The following CPLANE1 variants were observed in gnomAD, a reference collection of about 807,000 sequenced individuals.
CPLANE1 encodes the protein ciliogenesis and planar polarity effector complex subunit 1, also known as ciliogenesis and planar polarity effector 1.
Under a neutral mutation model 362.5 loss-of-function variants are expected in CPLANE1, and 263 were observed. The observed-to-expected ratio is 0.73, with a 90% CI of 0.66 to 0.80. CPLANE1 has a LOEUF of 0.80. Ranked by LOEUF, CPLANE1 falls within the 30% of genes least tolerant of loss-of-function variation. The pLI is 0.00. For missense variants in CPLANE1, 3,461 were observed against 3,793.4 expected, an observed-to-expected ratio of 0.91 and a Z score of 2.30; for synonymous variants, 1,212 against 1,302.6, an observed-to-expected ratio of 0.93 and a Z score of 1.50.
At chr5:37,239,641 A>G (rs1799886636) in intron 7 of CPLANE1, 72 bp downstream of exon 7, 1 of 1,183,272 alleles carries the variant, frequency 8.5e-7, no homozygotes, top group Non-Finnish European at 1.1e-6. Context: ...AGTATTTAGA[A>G]AAAGAAAAAT....
intron 46 of CPLANE1, among the ~76,000 whole-genome samples, chr5:37,131,527 T>C (rs558650511): frequency 2.8e-4 from 43 of 151,742 alleles, no homozygotes; most frequent in African/African-American, 1.0e-3. Flanking sequence ...TTTTTTTTAG[T>C]AAAAAAAAAT....
intron 51 of CPLANE1, among the ~76,000 whole-genome samples, chr5:37,114,348 A>T (rs1156402345): frequency 6.6e-6 from 1 of 152,296 alleles, no homozygotes; most frequent in Admixed American, 6.5e-5. Flanking sequence ...TTCTCATAGT[A>T]AGACATGGAT....
chr5:37,124,549 G>T (rs1420429587), intron 47 of CPLANE1, among the ~76,000 whole-genome samples: 2 of 151,958 alleles, frequency 1.3e-5, no homozygotes, highest in African/African-American at 4.8e-5. Context: ...TTTTTTATTT[G>T]TTAGCTTTTG....
chr5:37,224,366 T>G, intron 13 of CPLANE1, 33 bp from the exon 14 acceptor site: 1 of 1,415,990 alleles, frequency 7.1e-7, no homozygotes. Flanking sequence ...TTAGTCATAG[T>G]TAATTATATT....
At chr5:37,185,648 G>C (rs1489254372) in intron 24 of CPLANE1, among the ~76,000 whole-genome samples, 1 of 151,956 alleles carries the variant, frequency 6.6e-6, no homozygotes, top group Admixed American at 6.6e-5. Flanking sequence ...TATATTAATA[G>C]AATAATACAA....
At position 37,218,406 on chromosome 5, in the gene CPLANE1, T is replaced by TA. The variant is rs1794628386; in HGVS notation, c.2746+2917_2746+2918insT. On this transcript the variant is annotated intron_variant, in intron 15 of 52. Coordinates refer to ENST00000651892, the MANE Select transcript of CPLANE1 (RefSeq NM_001384732.1). ...GTCACTGAGGAAACTAGGGACATCCTGTGTGACTCTACTGGGAGAGGATTC... is the reference window on the plus strand; with the variant it reads ...GTCACTGAGGAAACTAGGGACATCCTAGTGTGACTCTACTGGGAGAGGATTC... Among the ~76,000 whole-genome samples the TA allele has an allele frequency of 2.0e-5, 3 of 152,334 alleles. No homozygotes were observed. The South Asian group carries it at 6.2e-4, about 32-fold the overall frequency.
In CPLANE1 at chr5:37,169,436, G is replaced by A; in HGVS notation, c.6588C>T (p.His2196=). 6.2e-7 allele frequency: 1 copy of A among 1,614,198 alleles called. No individual in the cohort carries two copies. The highest frequency in any genetic ancestry group is 8.5e-7 in the Non-Finnish European group (1 of 1,180,034). ...CAGAAGGTGTGGACAAAAGGTAGAG[G>A]TGAGTATTTCCAGCAGGAGCTGGAT... is the stretch of plus-strand genomic sequence containing the variant. ...SFYPAPAGNT[H]LYLLSTPSVV... Residue 2196 remains histidine, a synonymous_variant, in exon 34 of 53, where the codon CAC becomes CAT. Coordinates refer to ENST00000651892, the MANE Select transcript of CPLANE1 (RefSeq NM_001384732.1).
chr5:37,175,594 A>G (rs1034490980), intron 31 of CPLANE1, among the ~76,000 whole-genome samples: 6 of 152,228 alleles, frequency 3.9e-5, no homozygotes, highest in Non-Finnish European at 7.3e-5. Context: ...AAACACTACA[A>G]GAAATCAGTT....
intron 1 of CPLANE1, 54 bp from the exon 2 acceptor site, chr5:37,247,799 T>A (rs533774765): frequency 2.7e-5 from 4 of 149,936 alleles, no homozygotes; most frequent in Non-Finnish European, 3.8e-5. Context: ...TCACTGGGCA[T>A]TTTTTTTTTT....
intron 27 of CPLANE1, 140 bp from the exon 28 acceptor site, chr5:37,180,323 T>A (rs1782335657): frequency 2.5e-6 from 1 of 403,134 alleles, no homozygotes. Context: ...TCGGCTTAAT[T>A]CAGTTTTTTA....
chr5:37,244,587 A>T lies in CPLANE1; in HGVS notation c.358T>A (p.Leu120Met). 1 of 1,549,244 alleles carries T rather than the reference A, an allele frequency of 6.5e-7. No individual in the cohort carries two copies. The highest frequency in any genetic ancestry group is 8.7e-7 in the Non-Finnish European group (1 of 1,146,150). Residue 120 changes from leucine (L) to methionine (M), a missense_variant, in exon 5 of 53, where the codon TTG becomes ATG. Around this residue, in one of 2 missense-constraint regions of CPLANE1, gnomAD observed 3,380 missense variants for 3,666.1 expected, o/e 0.92. Coordinates refer to ENST00000651892, the MANE Select transcript of CPLANE1 (RefSeq NM_001384732.1). ...CTTTTCCCATTTCCAGATACATACAAGTACAGTCTCAAAGAGCTTGCTAAA... is the reference window on the plus strand; with the variant it reads ...CTTTTCCCATTTCCAGATACATACATGTACAGTCTCAAAGAGCTTGCTAAA... Reference protein sequence around the residue: ...ATVASSLRLYLYVSGNGKRIV... With the variant: ...ATVASSLRLYMYVSGNGKRIV...
intron 9 of CPLANE1, 121 bp from the exon 10 acceptor site, chr5:37,227,938 A>G: frequency 1.1e-6 from 1 of 882,732 alleles, no homozygotes; most frequent in Non-Finnish European, 1.7e-6. Context: ...AGTGAAACAC[A>G]CAAAAATATT....
At chr5:37,124,498 TG>T (rs1431295370) in intron 47 of CPLANE1, among the ~76,000 whole-genome samples, 1 of 152,234 alleles carries the variant, frequency 6.6e-6, no homozygotes, top group Non-Finnish European at 1.5e-5. Context: ...TAATTTTTTT[TG>T]TATTCTTTGT....
rs1420633361 is a variant in CPLANE1, at chr5:37,209,665, CA to C, written c.2921-3241del. 7.3e-7 allele frequency: 1 copy of C among 1,375,800 alleles called. No individual in the cohort carries two copies. The highest frequency in any genetic ancestry group is 1.4e-5 in the African/African-American group (1 of 70,042). 85.2% of individuals were successfully genotyped at this position (1,375,800 alleles called of 1,614,324 possible). ...GTTTTCTTTCTAGAAAGTGGTTTGG[CA>C]AAAGAAAAGGTATTTACTATGCAGG... On this transcript the variant is annotated intron_variant, in intron 16 of 52. Coordinates refer to ENST00000651892, the MANE Select transcript of CPLANE1 (RefSeq NM_001384732.1). The surrounding 1 kb of genome is among the most constrained non-coding windows in gnomAD (Gnocchi z 4.6).
the CPLANE1 span, among the ~76,000 whole-genome samples, chr5:37,097,147 G>A: frequency 7.9e-5 from 12 of 152,066 alleles, no homozygotes; most frequent in East Asian, 7.7e-4. Flanking sequence ...CCAGGAGTTC[G>A]AGACCAGCCT....
chr5:37,125,486 A>T (rs1763889249), intron 46 of CPLANE1, 77 bp from the exon 47 acceptor site: 2 of 1,384,632 alleles, frequency 1.4e-6, no homozygotes, highest in East Asian at 2.3e-5. Context: ...ACTAAACACT[A>T]TTTATCCGGA....
intron 46 of CPLANE1, among the ~76,000 whole-genome samples, chr5:37,137,713 C>T (rs1409238403): frequency 4.6e-5 from 7 of 152,152 alleles, no homozygotes; most frequent in African/African-American, 7.2e-5. Flanking sequence ...AATGAGTGCC[C>T]ACTGAAGGGG....
chr5:37,157,378 C>A lies in CPLANE1; in HGVS notation c.8054G>T (p.Gly2685Val). ...ACTAGGCTCCTTCACTTCTGTAATG[C>A]CTGCTCTCAAGCTTTTTCCATCCAG... ...ACLDGKSLRA[G>V]ITEVKEPSVT... The change falls in exon 41 of 53, where the codon GGC becomes GTC. Residue 2685 changes from glycine (G) to valine (V), a missense_variant. This residue lies in a region of CPLANE1 where 3,380 missense variants were observed against 3,666.1 expected (regional missense o/e 0.92). Transcript: ENST00000651892. 1 of 1,415,288 alleles carries A rather than the reference C, an allele frequency of 7.1e-7. No individual in the cohort carries two copies. The highest frequency in any genetic ancestry group is 9.4e-7 in the Non-Finnish European group (1 of 1,063,418). The allele number at this position is 1,415,288 out of a possible 1,614,324, so 87.7% of individuals were successfully genotyped here. A position where few individuals can be genotyped will look rare whatever the true frequency, so the allele number is the denominator to read the frequency against.
chr5:37,226,407 A>G lies in CPLANE1; in HGVS notation c.2188T>C (p.Phe730Leu), dbSNP rs558035506. The change falls in exon 12 of 53, where the codon TTT (phenylalanine) becomes CTT (leucine). Residue 730 changes from phenylalanine to leucine, a missense_variant. This residue lies in a region of CPLANE1 where 3,380 missense variants were observed against 3,666.1 expected (regional missense o/e 0.92). Coordinates refer to ENST00000651892, the MANE Select transcript of CPLANE1 (RefSeq NM_001384732.1). ...AAACCACTATCTTGAAACATCTGAA[A>G]AATAGGTACCACCAATGAGTCTTGA... ...TAQDSLVVPIFQMFQDSGFQK... is the reference protein window; with the variant it reads ...TAQDSLVVPILQMFQDSGFQK... 5.2e-6 allele frequency: 8 copies of G among 1,550,318 alleles called. No homozygotes were observed. The African/African-American group carries it at 1.1e-4, about 21-fold the overall frequency.
Sources: gnomAD v4.1 joint callset for allele counts (sites outside exome capture counted in the v4.1 genomes callset) on GRCh38, gnomAD v4.1.1 for gene constraint, gnomAD v4.1.1 regional missense constraint, Gnocchi (gnomAD v3.1) non-coding constraint, MANE v1.5 for transcripts, NCBI Gene and HGNC (gene_info 2026-07-23, HGNC 2026-07-21) for gene names.